SPOCK1: variants seen among roughly 807,000 people sequenced by gnomAD.
The protein encoded by SPOCK1 is SPARC (osteonectin), cwcv and kazal like domains proteoglycan 1.
A neutral mutation model predicts 55.3 loss-of-function variants in SPOCK1; 23 were observed. The ratio of observed to expected loss-of-function variants is 0.42; its 90% CI spans 0.30 to 0.59. The LOEUF (loss-of-function observed/expected upper bound fraction) is 0.59. Ranked by LOEUF, SPOCK1 falls within the 20% of genes least tolerant of loss-of-function variation. SPOCK1 has a pLI of 0.22. For missense variants in SPOCK1, 499 were observed against 552.5 expected, an observed-to-expected ratio of 0.90 and a Z score of 0.97; for synonymous variants, 226 against 221.0, an observed-to-expected ratio of 1.02 and a Z score of -0.20.
intron 3 of SPOCK1, among the ~76,000 whole-genome samples, chr5:137,255,694 C>A (rs1756619068): frequency 6.6e-6 from 1 of 152,132 alleles, no homozygotes; most frequent in African/African-American, 2.4e-5. Context: ...AACTCAAGTG[C>A]ATTGATTACC....
chr5:137,068,921 A>ACCACATGC (rs1342587838), intron 5 of SPOCK1, among the ~76,000 whole-genome samples: 1 of 152,184 alleles, frequency 6.6e-6, no homozygotes, highest in Admixed American at 6.5e-5. Context: ...CGGGCCCAGG[A>ACCACATGC]CCACATGCAT....
chr5:137,162,018 C>T (rs903686620), intron 3 of SPOCK1, among the ~76,000 whole-genome samples: 1 of 152,212 alleles, frequency 6.6e-6, no homozygotes, highest in Non-Finnish European at 1.5e-5. Flanking sequence ...TATATCTTTA[C>T]TTTCAAGCTG....
chr5:137,370,504 T>C (rs571796562), intron 2 of SPOCK1, among the ~76,000 whole-genome samples: 2 of 152,156 alleles, frequency 1.3e-5, no homozygotes, highest in Non-Finnish European at 2.9e-5. Flanking sequence ...CTAAATAGAA[T>C]TCTTCTATTC....
chr5:137,085,543 C>G (rs534028466), intron 5 of SPOCK1, among the ~76,000 whole-genome samples: 3 of 152,226 alleles, frequency 2.0e-5, no homozygotes, highest in East Asian at 3.9e-4. Flanking sequence ...AAACACAGAA[C>G]AGTTTGGGTC....
chr5:137,100,584 G>A (rs1753243301), intron 5 of SPOCK1, among the ~76,000 whole-genome samples: 1 of 152,188 alleles, frequency 6.6e-6, no homozygotes, highest in Non-Finnish European at 1.5e-5. Context: ...ACTGTTTGGG[G>A]TCACCAGCTT....
intron 2 of SPOCK1, among the ~76,000 whole-genome samples, chr5:137,424,091 C>A (rs1752558003): frequency 1.3e-5 from 2 of 152,076 alleles, no homozygotes; most frequent in South Asian, 4.1e-4. Context: ...TAAAAACAAA[C>A]AAAATAAGCC....
At chr5:137,026,119 G>A (rs1426612326) in intron 6 of SPOCK1, among the ~76,000 whole-genome samples, 2 of 152,250 alleles carry the variant, frequency 1.3e-5, no homozygotes, top group Non-Finnish European at 2.9e-5. Flanking sequence ...TAGGGATGGA[G>A]GAGGACCAGG....
chr5:137,492,171 C>T (rs1013972349), intron 2 of SPOCK1, among the ~76,000 whole-genome samples: 3 of 152,198 alleles, frequency 2.0e-5, no homozygotes, highest in African/African-American at 7.2e-5. Context: ...AGGCCCCAGC[C>T]CTGGGCACAT....
At chr5:137,356,798 AATATATATATATATAT>A (rs1191051173) in intron 2 of SPOCK1, among the ~76,000 whole-genome samples, 45 of 13,736 alleles carry the variant, frequency 3.3e-3, no homozygotes, top group African/African-American at 0.011. Context: ...CAAAAAAAAT[AATATATATATATATAT>A]ATATATATAT....
chr5:137,267,574 A>T (rs1409207004), intron 2 of SPOCK1, among the ~76,000 whole-genome samples: 1 of 152,260 alleles, frequency 6.6e-6, no homozygotes, highest in Non-Finnish European at 1.5e-5. Flanking sequence ...CATTTAGCTT[A>T]ATACCATTTG....
intron 2 of SPOCK1, among the ~76,000 whole-genome samples, chr5:137,417,141 T>A (rs1254996247): frequency 6.6e-6 from 1 of 152,058 alleles, no homozygotes; most frequent in African/African-American, 2.4e-5. Context: ...CATCTTTTCA[T>A]TTTCTTAATG....
At chr5:137,180,641 C>T (rs1030030414) in intron 3 of SPOCK1, among the ~76,000 whole-genome samples, 16 of 152,270 alleles carry the variant, frequency 1.1e-4, no homozygotes, top group Non-Finnish European at 1.8e-4. Flanking sequence ...ACCCCAAGGA[C>T]ATCTCAGCTA....
At chr5:137,140,747 A>AT (rs11309240) in intron 3 of SPOCK1, 53 bp from the exon 4 acceptor site, 51,954 of 348,704 alleles carry the variant, frequency 0.15, 2,188 homozygotes, top group East Asian at 0.2. Flanking sequence ...GGGAAATTTA[A>AT]TTTTTTTTTT....
At chr5:137,484,484 AT>A (rs1754012715) in intron 2 of SPOCK1, among the ~76,000 whole-genome samples, 1 of 152,192 alleles carries the variant, frequency 6.6e-6, no homozygotes, top group African/African-American at 2.4e-5. Context: ...GCTGGTGCTG[AT>A]TTAGTACTTG....
intron 2 of SPOCK1, among the ~76,000 whole-genome samples, chr5:137,387,148 C>T (rs1435153602): frequency 6.6e-6 from 1 of 152,190 alleles, no homozygotes; most frequent in Non-Finnish European, 1.5e-5. Flanking sequence ...AAATCCAGAA[C>T]ACTGACACCA....
intron 2 of SPOCK1, among the ~76,000 whole-genome samples, chr5:137,345,869 CAT>C (rs1053144215): frequency 4.6e-5 from 7 of 152,354 alleles, no homozygotes; most frequent in Admixed American, 2.6e-4. Flanking sequence ...GATAGACACA[CAT>C]GTCTCAGCAT....
intron 3 of SPOCK1, 47 bp downstream of exon 3, chr5:137,266,963 A>G (rs1294567602): frequency 3.2e-6 from 5 of 1,543,794 alleles, no homozygotes; most frequent in Non-Finnish European, 3.6e-6. Flanking sequence ...GAAAAATGAG[A>G]CCACATTTAC....
intron 6 of SPOCK1, among the ~76,000 whole-genome samples, chr5:137,040,686 A>G (rs1312401811): frequency 6.6e-6 from 1 of 152,244 alleles, no homozygotes; most frequent in African/African-American, 2.4e-5. Context: ...GATCCAGTTC[A>G]TCCTAAAACT....
intron 3 of SPOCK1, among the ~76,000 whole-genome samples, chr5:137,247,509 T>C (rs77303833): frequency 8.4e-4 from 128 of 152,318 alleles, no homozygotes; most frequent in African/African-American, 2.9e-3. Flanking sequence ...TCAACCATAG[T>C]GCAGAAAACA....
Sources: allele counts gnomAD v4.1 joint callset (sites outside exome capture counted in the v4.1 genomes callset), GRCh38; gene constraint gnomAD v4.1.1; transcripts MANE v1.5; gene names NCBI Gene and HGNC (gene_info 2026-07-23, HGNC 2026-07-21).